Variants in GLI3 observed in about 807,000 individuals in gnomAD.
GLI3 encodes the protein transcription activator GLI3.
GLI3 carries 20 observed loss-of-function variants against 100.8 expected under a neutral mutation model. The ratio of observed to expected loss-of-function variants is 0.20; its 90% CI spans 0.14 to 0.29. The LOEUF (loss-of-function observed/expected upper bound fraction) is 0.29, where lower values mean the gene tolerates loss of function less well. GLI3 is among the 10% of genes least tolerant of loss of function. GLI3 has a pLI of 1.00. For missense variants in GLI3, 2,040 were observed against 2,128.5 expected (o/e 0.96, Z 0.82); for synonymous variants, 938 against 860.5 (o/e 1.09, Z -1.58).
intron 1 of GLI3, among the ~76,000 whole-genome samples, chr7:42,260,574 G>C (rs1043959509): frequency 6.6e-6 from 1 of 152,182 alleles, no homozygotes; most frequent in African/African-American, 2.4e-5. Flanking sequence ...CAAGGTGTGA[G>C]AATGTTCATT....
At chr7:42,053,443 C>CA (rs1364917251) in intron 4 of GLI3, among the ~76,000 whole-genome samples, 1 of 152,146 alleles carries the variant, frequency 6.6e-6, no homozygotes, top group African/African-American at 2.4e-5. Flanking sequence ...AGGAAGAGGA[C>CA]AGGGGAGGTA....
intron 2 of GLI3, among the ~76,000 whole-genome samples, chr7:42,199,632 T>A (rs1261392253): frequency 6.6e-6 from 1 of 152,206 alleles, no homozygotes; most frequent in Non-Finnish European, 1.5e-5. Context: ...GTGTGTCCTC[T>A]CCTTTCACCT....
chr7:42,172,639 A>G (rs1490839055), intron 2 of GLI3: 1 of 703,004 alleles, frequency 1.4e-6, no homozygotes, highest in Non-Finnish European at 2.6e-6. Context: ...GCGCGGATGC[A>G]TCCAATCCTC....
chr7:42,151,847 C>T (rs554417158), intron 2 of GLI3: 1 of 152,094 alleles, frequency 6.6e-6, no homozygotes, highest in East Asian at 1.9e-4. Flanking sequence ...AATTTCCAAA[C>T]TCATCCAAAA....
intron 10 of GLI3, among the ~76,000 whole-genome samples, chr7:41,991,476 T>C (rs1562673881): frequency 3.3e-5 from 5 of 152,210 alleles, no homozygotes; most frequent in Admixed American, 2.0e-4. Context: ...TAACAGTACA[T>C]CTAAGTATAT....
At position 42,249,946 on chromosome 7, in the gene GLI3, T is replaced by G. The variant is rs1466995121; in HGVS notation, c.-43+14048A>C. Among the ~76,000 whole-genome samples, 3 of 151,908 alleles carry G rather than the reference T, an allele frequency of 2.0e-5. No individual in the cohort carries two copies. The East Asian group carries it at 5.8e-4, about 29-fold the overall frequency. On this transcript the variant is annotated intron_variant, in intron 1 of 2. Coordinates refer to the GLI3 transcript ENST00000678978. ...CCCAACTCTACAAAAAATACAAAAA[T>G]TAGCCAGGCATGGTGTTGCATACCT...
At chr7:42,221,215 A>C (rs754700315) in intron 2 of GLI3, among the ~76,000 whole-genome samples, 3 of 152,226 alleles carry the variant, frequency 2.0e-5, no homozygotes, top group Non-Finnish European at 2.9e-5. Flanking sequence ...GGGAAACCCG[A>C]GGTCCAAGAC....
At chr7:42,111,009 A>G (rs892237938) in intron 3 of GLI3, among the ~76,000 whole-genome samples, 120 of 152,352 alleles carry the variant, frequency 7.9e-4, no homozygotes, top group African/African-American at 2.7e-3. Flanking sequence ...CTAGAGATGC[A>G]AACTCTGGAA....
intron 3 of GLI3, among the ~76,000 whole-genome samples, chr7:42,135,877 T>G (rs77858360): frequency 7.0e-6 from 1 of 143,644 alleles, no homozygotes; most frequent in Non-Finnish European, 1.6e-5. Context: ...TGTCTCTCTC[T>G]CTCACTTTTT....
intron 3 of GLI3, chr7:42,113,544 A>AG: frequency 8.4e-7 from 1 of 1,185,842 alleles, no homozygotes; most frequent in Non-Finnish European, 1.2e-6. Flanking sequence ...GCTGGCAAGG[A>AG]GGGGAATAAC....
At chr7:42,189,095 G>A (rs36113796) in intron 2 of GLI3, among the ~76,000 whole-genome samples, 1 of 151,964 alleles carries the variant, frequency 6.6e-6, no homozygotes, top group South Asian at 2.1e-4. Context: ...CTGTGTGGGG[G>A]CAGGAAGGCA....
At chr7:42,209,107 T>C (rs1017482570) in intron 2 of GLI3, among the ~76,000 whole-genome samples, 1 of 152,096 alleles carries the variant, frequency 6.6e-6, no homozygotes, top group African/African-American at 2.4e-5. Context: ...CACACTGGAG[T>C]GCAATGGCAT....
chr7:42,022,294 T>C (rs887992844), intron 10 of GLI3, among the ~76,000 whole-genome samples: 1 of 152,160 alleles, frequency 6.6e-6, no homozygotes, highest in Non-Finnish European at 1.5e-5. Context: ...GTGGAATACA[T>C]TACATGGGAT....
At chr7:42,228,510 C>CG (rs1788630545) in intron 1 of GLI3, among the ~76,000 whole-genome samples, 1 of 152,190 alleles carries the variant, frequency 6.6e-6, no homozygotes, top group South Asian at 2.1e-4. Flanking sequence ...GGAATATTCA[C>CG]GGGCATTTGC....
At chr7:42,128,281 T>C (rs1786185467) in intron 3 of GLI3, among the ~76,000 whole-genome samples, 1 of 152,186 alleles carries the variant, frequency 6.6e-6, no homozygotes, top group Non-Finnish European at 1.5e-5. Flanking sequence ...TTGATTTAAA[T>C]TTCTATCAAC....
chr7:42,189,775 C>T (rs1423893168), intron 2 of GLI3, among the ~76,000 whole-genome samples: 1 of 152,154 alleles, frequency 6.6e-6, no homozygotes, highest in African/African-American at 2.4e-5. Context: ...TAGCAGGAGT[C>T]TCTCTTCCTC....
At chr7:42,156,941 T>C (rs767908296) in intron 2 of GLI3, among the ~76,000 whole-genome samples, 3 of 152,238 alleles carry the variant, frequency 2.0e-5, no homozygotes, top group East Asian at 3.9e-4. Context: ...TTTTTGTTTT[T>C]AGAAGATCAC....
chr7:42,210,146 T>C (rs1297211226), intron 2 of GLI3, among the ~76,000 whole-genome samples: 1 of 152,108 alleles, frequency 6.6e-6, no homozygotes, highest in African/African-American at 2.4e-5. Flanking sequence ...CGAACATGGT[T>C]CATTTCCCTT....
intron 10 of GLI3, 84 bp downstream of exon 10, chr7:42,023,384 A>G: frequency 7.0e-7 from 1 of 1,419,024 alleles, no homozygotes; most frequent in Non-Finnish European, 1.0e-6. Context: ...AAGAAACTTG[A>G]CTCAGCTCAG....
Sources: allele counts gnomAD v4.1 joint callset (sites outside exome capture counted in the v4.1 genomes callset), GRCh38; gene constraint gnomAD v4.1.1; transcripts MANE v1.5; gene names NCBI Gene and HGNC (gene_info 2026-07-23, HGNC 2026-07-21).